NCOA7: variants seen among roughly 807,000 people sequenced by gnomAD.
NCOA7 encodes nuclear receptor coactivator 7.
NCOA7 carries 45 observed loss-of-function variants against 104.3 expected under a neutral mutation model. The ratio of observed to expected loss-of-function variants is 0.43; its 90% CI spans 0.34 to 0.55. The LOEUF is 0.55. Among genes scored for constraint, NCOA7 ranks in the 20% least tolerant of loss-of-function variants. NCOA7 has a pLI of 0.02. For synonymous variants in NCOA7, 398 were observed against 402.3 expected (o/e 0.99, Z 0.13); for missense variants, 1,041 against 1,119.7 (o/e 0.93, Z 1.00).
intron 2 of NCOA7, among the ~76,000 whole-genome samples, chr6:125,829,602 A>G (rs905305894): frequency 6.6e-6 from 1 of 152,192 alleles, no homozygotes; most frequent in Non-Finnish European, 1.5e-5. Flanking sequence ...TTTCTCAAGT[A>G]AACAACCTGC....
intron 3 of NCOA7, among the ~76,000 whole-genome samples, chr6:125,869,423 A>G (rs189031008): frequency 2.6e-5 from 4 of 151,974 alleles, no homozygotes; most frequent in African/African-American, 4.8e-5. Flanking sequence ...GTCTTTTCCC[A>G]CAGATCTGTT....
chr6:125,919,822 C>T (rs190178515), intron 11 of NCOA7, among the ~76,000 whole-genome samples: 126 of 152,286 alleles, frequency 8.3e-4, no homozygotes, highest in Admixed American at 1.8e-3. Context: ...CAGACGCCAG[C>T]GGGTACTTTG....
chr6:125,788,822 G>A (rs140204597), upstream of NCOA7, among the ~76,000 whole-genome samples: 498 of 151,542 alleles, frequency 3.3e-3, 6 homozygotes, highest in African/African-American at 0.012. Context: ...GATTACAAGC[G>A]TGAGCCACTG....
chr6:125,871,774 T>A (rs1782935170), intron 3 of NCOA7, among the ~76,000 whole-genome samples: 1 of 152,120 alleles, frequency 6.6e-6, no homozygotes, highest in African/African-American at 2.4e-5. Context: ...GGCGGGCAGA[T>A]CACTTGAGCC....
intron 11 of NCOA7, chr6:125,919,326 A>G: frequency 6.2e-7 from 1 of 1,612,800 alleles, no homozygotes; most frequent in Non-Finnish European, 8.5e-7. Context: ...GTTCCTCATT[A>G]GAGAGAGAGC....
chr6:125,900,638 C>G (rs1289122790), intron 10 of NCOA7, among the ~76,000 whole-genome samples: 3 of 152,162 alleles, frequency 2.0e-5, no homozygotes, highest in Non-Finnish European at 4.4e-5. Context: ...AGTTAGTTGC[C>G]ATTTTCTTCT....
At chr6:125,902,929 G>A (rs1273979025) in intron 10 of NCOA7, among the ~76,000 whole-genome samples, 1 of 152,156 alleles carries the variant, frequency 6.6e-6, no homozygotes, top group African/African-American at 2.4e-5. Flanking sequence ...GAATAAATTA[G>A]CATGCCCATG....
intron 2 of NCOA7, among the ~76,000 whole-genome samples, chr6:125,835,096 C>G (rs538635941): frequency 1.3e-5 from 2 of 152,288 alleles, no homozygotes; most frequent in South Asian, 4.1e-4. Context: ...TTTTCTCAGG[C>G]TAAAAGAGGT....
chr6:125,897,274 C>T (rs1035022525), intron 10 of NCOA7, among the ~76,000 whole-genome samples: 2 of 152,152 alleles, frequency 1.3e-5, no homozygotes, highest in African/African-American at 4.8e-5. Flanking sequence ...GAGCTCAAGG[C>T]CCCTTTTTAA....
At chr6:125,878,837 G>C (rs111638022) in intron 5 of NCOA7, among the ~76,000 whole-genome samples, 9 of 152,258 alleles carry the variant, frequency 5.9e-5, no homozygotes, top group Middle Eastern at 3.4e-3. Context: ...TTTTCTGAAG[G>C]CAATAGGAAA....
At chr6:125,849,617 A>C (rs1260790942) in intron 2 of NCOA7, among the ~76,000 whole-genome samples, 1 of 152,222 alleles carries the variant, frequency 6.6e-6, no homozygotes, top group Non-Finnish European at 1.5e-5. Flanking sequence ...ATAATATCAT[A>C]AAACGTAGTC....
chr6:125,823,641 A>G (rs1411943304), intron 2 of NCOA7, among the ~76,000 whole-genome samples: 1 of 152,222 alleles, frequency 6.6e-6, no homozygotes, highest in Non-Finnish European at 1.5e-5. Flanking sequence ...GAAATCATTA[A>G]CTTTTTCCTA....
intron 1 of NCOA7, among the ~76,000 whole-genome samples, chr6:125,802,933 A>G (rs1776042801): frequency 6.6e-6 from 1 of 152,148 alleles, no homozygotes; most frequent in African/African-American, 2.4e-5. Context: ...TGCTGCTTAG[A>G]CACTTTTTCT....
intron 3 of NCOA7, among the ~76,000 whole-genome samples, chr6:125,856,983 C>G (rs1781615017): frequency 6.6e-6 from 1 of 152,158 alleles, no homozygotes; most frequent in South Asian, 2.1e-4. Flanking sequence ...TGCTACCGTA[C>G]AGGCAGATGA....
chr6:125,869,543 AG>A (rs1375989824), intron 3 of NCOA7, among the ~76,000 whole-genome samples: 3 of 152,248 alleles, frequency 2.0e-5, no homozygotes, highest in Non-Finnish European at 2.9e-5. Context: ...GATGAAATTG[AG>A]GTTGCTAATC....
chr6:125,905,326 G>T (rs1370661621), intron 10 of NCOA7, among the ~76,000 whole-genome samples: 1 of 148,704 alleles, frequency 6.7e-6, no homozygotes, highest in East Asian at 2.0e-4. Flanking sequence ...GTGCGATCTC[G>T]GCTCATTGCA....
At chr6:125,923,733 G>A (rs557455657) in intron 13 of NCOA7, among the ~76,000 whole-genome samples, 4 of 152,252 alleles carry the variant, frequency 2.6e-5, no homozygotes, top group East Asian at 1.9e-4. Context: ...CCTGTTAGGC[G>A]CTAGGCACTG....
intron 2 of NCOA7, among the ~76,000 whole-genome samples, chr6:125,844,904 G>A (rs1780470636): frequency 6.6e-6 from 1 of 152,114 alleles, no homozygotes; most frequent in Non-Finnish European, 1.5e-5. Context: ...AGCTCTTCCT[G>A]GAAACCAGGC....
At chr6:125,902,261 A>T (rs1328443454) in intron 10 of NCOA7, among the ~76,000 whole-genome samples, 2 of 152,112 alleles carry the variant, frequency 1.3e-5, no homozygotes, top group African/African-American at 2.4e-5. Flanking sequence ...TGTAGAAGAG[A>T]CTTTCTAAAA....
Sources: allele counts gnomAD v4.1 joint callset (sites outside exome capture counted in the v4.1 genomes callset), GRCh38; gene constraint gnomAD v4.1.1; transcripts MANE v1.5; gene names NCBI Gene and HGNC (gene_info 2026-07-23, HGNC 2026-07-21).